MACF1: variants seen among roughly 807,000 people sequenced by gnomAD.
The protein encoded by MACF1 is microtubule actin crosslinking factor 1.
In MACF1, 193 loss-of-function variants were observed where a neutral mutation model predicts 854.8. The ratio of observed to expected loss-of-function variants is 0.23; its 90% CI spans 0.20 to 0.25. The LOEUF is 0.25. Among genes scored for constraint, MACF1 ranks in the 10% least tolerant of loss-of-function variants. The pLI, the probability that MACF1 is intolerant of heterozygous loss-of-function variation, is 1.00. For missense variants in MACF1, 7,722 were observed against 8,929.1 expected, an observed-to-expected ratio of 0.86 and a Z score of 5.45; for synonymous variants, 3,185 against 3,226.7, an observed-to-expected ratio of 0.99 and a Z score of 0.44.
chr1:39,174,581 C>T (rs566751568), intron 2 of MACF1, among the ~76,000 whole-genome samples: 7 of 152,046 alleles, frequency 4.6e-5, no homozygotes, highest in South Asian at 2.1e-4. Flanking sequence ...TCTGTGTGGA[C>T]GCATCATAGA....
At chr1:39,263,838 AT>A (rs1177212599) in intron 6 of MACF1, among the ~76,000 whole-genome samples, 2 of 126,496 alleles carry the variant, frequency 1.6e-5, no homozygotes, top group Non-Finnish European at 3.1e-5. Flanking sequence ...CAGTGGCGCG[AT>A]TTCAGCTCAC....
chr1:39,478,989 C>A (rs925947222), intron 97 of MACF1, among the ~76,000 whole-genome samples: 1 of 152,152 alleles, frequency 6.6e-6, no homozygotes, highest in African/African-American at 2.4e-5. Flanking sequence ...TAGCATCTTT[C>A]GCATTTAACA....
chr1:39,190,391 G>GTGTT lies in MACF1; in HGVS notation c.221-40790_221-40789insGTTT, dbSNP rs1644237249. ...CTTTTGTGTGTGTGTGTGTGTGTGT[G>GTGTT]TTTGTTTTTGTTTTTTTTTTTTTTT... On this transcript the variant is annotated intron_variant, in intron 2 of 93. Transcript: ENST00000361689. 7.2e-5 allele frequency among the ~76,000 whole-genome samples: 3 copies of GTGTT among 41,736 alleles called. 1 individual carries two copies. The highest frequency in any genetic ancestry group is 1.7e-4 in the Non-Finnish European group (3 of 17,164). 27.4% of individuals were successfully genotyped at this position (41,736 alleles called of 152,430 possible).
At chr1:39,295,240 C>A in intron 19 of MACF1, 90 bp downstream of exon 19, 1 of 1,072,892 alleles carries the variant, frequency 9.3e-7, no homozygotes, top group Non-Finnish European at 1.4e-6. Flanking sequence ...CACTGAAAGA[C>A]TTGGAGGAAG....
At chr1:39,213,584 G>T (rs1017191332) in intron 1 of MACF1, among the ~76,000 whole-genome samples, 1 of 152,136 alleles carries the variant, frequency 6.6e-6, no homozygotes, top group Non-Finnish European at 1.5e-5. Flanking sequence ...CAGTTTACCC[G>T]CCTTGGCCTC....
At position 39,319,698 on chromosome 1, in the gene MACF1, A is replaced by C. The variant is rs774655821; in HGVS notation, c.3980A>C (p.Lys1327Thr). ...GCAGAAATTGAGAGAAATCAGACAA[A>C]ACTGGATCAATGTCAAAAATTTTCC... is the stretch of plus-strand genomic sequence containing the variant. ...LFAEIERNQT[K>T]LDQCQKFSQQ... Residue 1327 changes from lysine (K) to threonine (T), a missense_variant, in exon 31 of 101, where the codon AAA becomes ACA. Coordinates refer to ENST00000564288, the MANE Select transcript of MACF1 (RefSeq NM_001394062.1). The C allele has an allele frequency of 1.1e-5, 17 of 1,613,754 alleles. No homozygotes were observed. In the Admixed American group the frequency reaches 2.7e-4, roughly 25 times the overall value.
At position 39,441,318 on chromosome 1, in the gene MACF1, C is replaced by G. The variant is rs760533601; in HGVS notation, c.18665C>G (p.Thr6222Ser). The change falls in exon 74 of 101, where the codon ACT (threonine) becomes AGT (serine). Residue 6222 changes from threonine (T) to serine (S), a missense_variant. Physicochemically the swap from Thr to Ser is moderately conservative, Grantham distance 58. Around this residue, in one of 15 missense-constraint regions of MACF1, gnomAD observed 2,807 missense variants for 3,235.8 expected, o/e 0.87. Transcript: ENST00000564288. Reference sequence around the variant, plus strand: ...CAAGCTGCTGTGCAGTATCAGGACACTCTTCAGGTGAGAGGCCAGGAGGTG... The same window carrying G: ...CAAGCTGCTGTGCAGTATCAGGACAGTCTTCAGGTGAGAGGCCAGGAGGTG... Reference protein sequence around the residue: ...AMQAAVQYQDTLQAMFDWLDN... With the variant: ...AMQAAVQYQDSLQAMFDWLDN... 3 of 1,613,542 alleles carry G rather than the reference C, an allele frequency of 1.9e-6. No individual in the cohort carries two copies. Among genetic ancestry groups the G allele is most frequent in the South Asian group, 2.2e-5 (2 of 91,020 alleles).
intron 2 of MACF1, among the ~76,000 whole-genome samples, chr1:39,168,528 T>C (rs1360243145): frequency 1.3e-5 from 2 of 152,106 alleles, no homozygotes; most frequent in Non-Finnish European, 2.9e-5. Flanking sequence ...ACGGTCTCGC[T>C]ATATTGCCCA....
chr1:39,330,992 T>G, intron 36 of MACF1: 1 of 516,186 alleles, frequency 1.9e-6, no homozygotes, highest in Non-Finnish European at 3.1e-6. Context: ...TAGAGACGGG[T>G]TTTTCACCAT....
At chr1:39,365,922 G>A (rs1217324367) in intron 49 of MACF1, among the ~76,000 whole-genome samples, 3 of 152,052 alleles carry the variant, frequency 2.0e-5, no homozygotes, top group East Asian at 1.9e-4. Context: ...GTAATCCACC[G>A]ACCTTGGCCT....
At chr1:39,403,186 C>T (rs1173725394) in intron 58 of MACF1, among the ~76,000 whole-genome samples, 2 of 152,094 alleles carry the variant, frequency 1.3e-5, no homozygotes, top group East Asian at 3.9e-4. Flanking sequence ...GCAGTCTCCA[C>T]CTCCCAAGTT....
intron 2 of MACF1, among the ~76,000 whole-genome samples, chr1:39,144,788 A>G (rs1643426498): frequency 6.6e-6 from 1 of 151,954 alleles, no homozygotes; most frequent in Non-Finnish European, 1.5e-5. Context: ...ACTGTGCCTC[A>G]CCAGTTTTGG....
At chr1:39,352,206 C>T (rs753768653) in intron 43 of MACF1, among the ~76,000 whole-genome samples, 41 of 152,178 alleles carry the variant, frequency 2.7e-4, no homozygotes, top group Non-Finnish European at 5.0e-4. Context: ...CTTGGCATAA[C>T]CTATTTAATC....
intron 58 of MACF1, among the ~76,000 whole-genome samples, chr1:39,405,738 A>G (rs971030960): frequency 1.3e-5 from 2 of 152,240 alleles, no homozygotes; most frequent in African/African-American, 2.4e-5. Flanking sequence ...TCTGTAATCA[A>G]TTAACCGGAA....
At position 39,442,563 on chromosome 1, in the gene MACF1, A is replaced by G; in HGVS notation, c.19100A>G (p.His6367Arg). The change falls in exon 77 of 101, where the codon CAC becomes CGC. Residue 6367 changes from histidine (H) to arginine (R), a missense_variant. By Grantham distance (29) the His-to-Arg change is conservative. Coordinates refer to ENST00000564288, the MANE Select transcript of MACF1 (RefSeq NM_001394062.1). ...PKVIEVELAK[H>R]HVLKNDVLAH... Reference sequence around the variant, plus strand: ...GTCATTGAAGTTGAGCTCGCAAAGCACCATGTAAGTATTTTCATTTTTTCA... The same window carrying G: ...GTCATTGAAGTTGAGCTCGCAAAGCGCCATGTAAGTATTTTCATTTTTTCA... 1.9e-6 allele frequency: 3 copies of G among 1,614,122 alleles called. No homozygotes were observed.
intron 2 of MACF1, among the ~76,000 whole-genome samples, chr1:39,242,050 A>T (rs1484540080): frequency 1.3e-5 from 2 of 152,168 alleles, no homozygotes; most frequent in African/African-American, 4.8e-5. Context: ...GCTTTAAGCT[A>T]ATCTTTAAAA....
rs144602603 is a variant in MACF1, at chr1:39,404,900, C to T, written c.15816+16242C>T. ...AATGTGATTCCCTCCATAAAGCCTT[C>T]TCTGATACCTCCTGCCTTCCTTCTT... On this transcript the variant is annotated intron_variant, in intron 58 of 100. Transcript: ENST00000564288. 1.3e-4 allele frequency among the ~76,000 whole-genome samples: 20 copies of T among 152,330 alleles called. No homozygotes were observed. The East Asian group carries it at 3.9e-3, about 29-fold the overall frequency.
At chr1:39,246,675 A>C (rs1644985070) in intron 2 of MACF1, among the ~76,000 whole-genome samples, 1 of 151,580 alleles carries the variant, frequency 6.6e-6, no homozygotes, top group African/African-American at 2.4e-5. Flanking sequence ...CACCCGGCTA[A>C]TTTTTTGTAT....
chr1:39,222,431 T>C (rs960123950), intron 1 of MACF1, among the ~76,000 whole-genome samples: 3 of 152,210 alleles, frequency 2.0e-5, no homozygotes, highest in African/African-American at 4.8e-5. Flanking sequence ...AGCCTACTTG[T>C]GCTTTTTTTA....
Sources: allele counts gnomAD v4.1 joint callset (sites outside exome capture counted in the v4.1 genomes callset), GRCh38; gene constraint gnomAD v4.1.1; regional missense constraint gnomAD v4.1.1; transcripts MANE v1.5; gene names NCBI Gene and HGNC (gene_info 2026-07-23, HGNC 2026-07-21).